Variants in MED12L observed in about 807,000 individuals in gnomAD.
MED12L encodes the protein mediator of RNA polymerase II transcription subunit 12-like protein.
In MED12L, 60 loss-of-function variants were observed where a neutral mutation model predicts 281.3. That is an observed-to-expected ratio of 0.21 (90% CI 0.17 to 0.26). The LOEUF is 0.26. MED12L is among the 10% of genes least tolerant of loss of function. The probability of loss-of-function intolerance (pLI) is 1.00; values close to 1 mark genes in which losing one functional copy is unlikely to be tolerated. For missense variants in MED12L, 2,146 were observed against 2,680.9 expected (o/e 0.80, Z 4.41); for synonymous variants, 974 against 987.2 (o/e 0.99, Z 0.25).
chr3:151,279,845 T>G (rs1742531703), intron 16 of MED12L, among the ~76,000 whole-genome samples: 2 of 152,220 alleles, frequency 1.3e-5, no homozygotes, highest in South Asian at 2.1e-4. Context: ...TTCCCTGATT[T>G]ATTGCAGGAG....
intron 16 of MED12L, among the ~76,000 whole-genome samples, chr3:151,205,435 C>T (rs529145382): frequency 4.6e-5 from 7 of 152,290 alleles, no homozygotes; most frequent in African/African-American, 1.7e-4. Context: ...CCATACAAAA[C>T]GTGCTTTTGA....
intron 16 of MED12L, among the ~76,000 whole-genome samples, chr3:151,347,757 G>A (rs895209370): frequency 2.0e-5 from 3 of 152,118 alleles, no homozygotes; most frequent in Non-Finnish European, 1.5e-5. Flanking sequence ...ATTATACTTC[G>A]AAGCATTTTA....
In MED12L at chr3:151,242,417, C is replaced by A. The variant is rs1169530228; in HGVS notation, c.2250+48751C>A. On this transcript the variant is annotated intron_variant, in intron 16 of 44. Transcript: ENST00000687756. ...GAGCAGTGGTTCTCCCAGCACGCAGCTGGAGATCTGAGAACCGGCAGACTG... is the reference window on the plus strand; with the variant it reads ...GAGCAGTGGTTCTCCCAGCACGCAGATGGAGATCTGAGAACCGGCAGACTG... Among the ~76,000 whole-genome samples the A allele has an allele frequency of 7.9e-5, 12 of 152,214 alleles. No homozygotes were observed. The South Asian group carries it at 1.0e-3, about 13-fold the overall frequency.
At position 151,165,459 on chromosome 3, in the gene MED12L, CAAAG is replaced by C; in HGVS notation, c.1299_1302del (p.Arg434AlafsTer20). The C allele has an allele frequency of 6.2e-7, 1 of 1,614,004 alleles. No homozygotes were observed. The highest frequency in any genetic ancestry group is 8.5e-7 in the Non-Finnish European group (1 of 1,179,916). On this transcript the variant is annotated frameshift_variant, in exon 10 of 45. Coordinates refer to ENST00000687756, the MANE Select transcript of MED12L (RefSeq NM_001393769.1). LOFTEE classifies it high-confidence loss of function. ...TTATGAAGTAGAACAACAGATAAAA[CAAAG>C]AGGCCGTGCAGTGGAAGTTCGGTGG... is the stretch of plus-strand genomic sequence containing the variant.
intron 11 of MED12L, among the ~76,000 whole-genome samples, chr3:151,183,961 G>A (rs1441173794): frequency 1.3e-5 from 2 of 152,166 alleles, no homozygotes; most frequent in Non-Finnish European, 2.9e-5. Flanking sequence ...TCACTGGATT[G>A]ACTTTTATAT....
intron 43 of MED12L, chr3:151,425,582 G>C (rs993021669): frequency 2.2e-6 from 1 of 452,298 alleles, no homozygotes; most frequent in African/African-American, 2.0e-5. Flanking sequence ...GTGTGTGTGT[G>C]TGTCTGTGTT....
At chr3:151,293,183 A>G (rs1383744090) in intron 16 of MED12L, among the ~76,000 whole-genome samples, 1 of 152,164 alleles carries the variant, frequency 6.6e-6, no homozygotes, top group African/African-American at 2.4e-5. Flanking sequence ...CTACCTAACA[A>G]TGATAGTCAT....
At chr3:151,354,157 A>AAAAAC in intron 17 of MED12L, among the ~76,000 whole-genome samples, 1 of 150,732 alleles carries the variant, frequency 6.6e-6, no homozygotes, top group African/African-American at 2.4e-5. Flanking sequence ...AAAAAAAAAA[A>AAAAAC]AAAAAAAGAA....
chr3:151,396,138 GA>G (rs879742101), intron 39 of MED12L, among the ~76,000 whole-genome samples: 7 of 152,042 alleles, frequency 4.6e-5, no homozygotes, highest in South Asian at 2.1e-4. Flanking sequence ...ATTAAAATAT[GA>G]AAAAAAATTA....
chr3:151,339,044 C>T (rs567383391), intron 16 of MED12L, among the ~76,000 whole-genome samples: 5 of 152,246 alleles, frequency 3.3e-5, no homozygotes, highest in Admixed American at 3.3e-4. Context: ...AATATTGCAT[C>T]TCTGCTGAAG....
chr3:151,291,405 ACAGT>A (rs1326754778), intron 16 of MED12L, among the ~76,000 whole-genome samples: 1 of 152,166 alleles, frequency 6.6e-6, no homozygotes, highest in African/African-American at 2.4e-5. Context: ...AATGAATATA[ACAGT>A]CAGTAACACA....
At chr3:151,108,350 G>A (rs1249916125) in intron 2 of MED12L, among the ~76,000 whole-genome samples, 3 of 152,196 alleles carry the variant, frequency 2.0e-5, no homozygotes, top group East Asian at 3.9e-4. Context: ...TGAGTTATGA[G>A]GAGTAAAAGA....
intron 16 of MED12L, among the ~76,000 whole-genome samples, chr3:151,340,009 C>A (rs1751604851): frequency 6.6e-6 from 1 of 152,056 alleles, no homozygotes; most frequent in South Asian, 2.1e-4. Context: ...CACTTAAATT[C>A]CCCAAAATGT....
chr3:151,179,895 A>G (rs1722511594), intron 11 of MED12L, among the ~76,000 whole-genome samples: 1 of 152,188 alleles, frequency 6.6e-6, no homozygotes, highest in African/African-American at 2.4e-5. Flanking sequence ...AACTTCTTTG[A>G]TAGTATCATT....
intron 16 of MED12L, among the ~76,000 whole-genome samples, chr3:151,206,012 C>G (rs1726296482): frequency 6.6e-6 from 1 of 151,996 alleles, no homozygotes; most frequent in African/African-American, 2.4e-5. Flanking sequence ...CTGTGCAACT[C>G]CAGTTCAGCC....
chr3:151,281,841 C>G (rs1195269850), intron 16 of MED12L, among the ~76,000 whole-genome samples: 1 of 152,168 alleles, frequency 6.6e-6, no homozygotes, highest in Non-Finnish European at 1.5e-5. Flanking sequence ...ATATAAACAT[C>G]CCTTGTGTAT....
chr3:151,151,183 G>A (rs1056849413), intron 5 of MED12L, among the ~76,000 whole-genome samples: 1 of 151,288 alleles, frequency 6.6e-6, no homozygotes, highest in South Asian at 2.1e-4. Flanking sequence ...GACTACAGGC[G>A]CCCGCCACCA....
At position 151,158,587 on chromosome 3, in the gene MED12L, A is replaced by G; in HGVS notation, c.727-102A>G. On this transcript the variant is annotated intron_variant, in intron 6 of 44. Coordinates refer to ENST00000687756, the MANE Select transcript of MED12L (RefSeq NM_001393769.1). ...AGCAATGAGACTATGTTTAACAACA[A>G]CAAAAACAGTAGTACAGTTAGACTT... 2.9e-6 allele frequency: 2 copies of G among 679,388 alleles called. 1 individual carries two copies. Among genetic ancestry groups the G allele is most frequent in the South Asian group, 4.0e-5 (2 of 50,524 alleles). The allele number at this position is 679,388 out of a possible 1,614,324, so 42.1% of individuals were successfully genotyped here.
chr3:151,359,214 T>A (rs950032079), intron 20 of MED12L, among the ~76,000 whole-genome samples: 2 of 152,170 alleles, frequency 1.3e-5, no homozygotes, highest in African/African-American at 4.8e-5. Context: ...TTGCTTAGGA[T>A]AATGGCCTGC....
Sources: allele counts gnomAD v4.1 joint callset (sites outside exome capture counted in the v4.1 genomes callset), GRCh38; gene constraint gnomAD v4.1.1; transcripts MANE v1.5; gene names NCBI Gene and HGNC (gene_info 2026-07-23, HGNC 2026-07-21).